The following N4BP2L1 variants were observed in gnomAD, a reference collection of about 807,000 sequenced individuals.
The protein encoded by N4BP2L1 is NEDD4 binding protein 2 like 1, also known as NEDD4-binding protein 2-like 1.
A neutral mutation model predicts 21.2 loss-of-function variants in N4BP2L1; 12 were observed. The observed-to-expected ratio is 0.57, with a 90% confidence interval of 0.36 to 0.92. N4BP2L1 has a LOEUF of 0.92. Ranked by LOEUF, N4BP2L1 falls within the 40% of genes least tolerant of loss-of-function variation. The pLI is 0.01. For synonymous variants in N4BP2L1, 104 were observed against 112.8 expected, an observed-to-expected ratio of 0.92 and a Z score of 0.49; for missense variants, 259 against 310.6, an observed-to-expected ratio of 0.83 and a Z score of 1.25.
rs2073154493 is a variant in N4BP2L1 at position 32,401,999 on chromosome 13, C to G, written c.*943G>C. 1 of 985,262 alleles carries G rather than the reference C, an allele frequency of 1.0e-6. No individual in the cohort carries two copies. Among genetic ancestry groups the G allele is most frequent in the Non-Finnish European group, 1.2e-6 (1 of 829,894 alleles). The allele number at this position is 985,262 out of a possible 1,614,324, so 61.0% of individuals were successfully genotyped here. A position where few individuals can be genotyped will look rare whatever the true frequency, so the allele number is the denominator to read the frequency against. On this transcript the variant is annotated 3_prime_UTR_variant, in exon 5 of 5. Coordinates refer to ENST00000380130, the MANE Select transcript of N4BP2L1 (RefSeq NM_052818.3). The stretch of plus-strand genomic sequence containing the variant: ...ATTGTCTTAATGCCACATAAAACAT[C>G]AACTGCTCATTTTGTAATGAGCATG...
chr13:32,414,082 A>T (rs997584057), intron 1 of N4BP2L1, among the ~76,000 whole-genome samples: 2 of 152,062 alleles, frequency 1.3e-5, no homozygotes, highest in Non-Finnish European at 2.9e-5. Context: ...AGGTTTCACC[A>T]TGTTGGCCAG....
At chr13:32,415,054 C>T (rs1256684106) in intron 1 of N4BP2L1, among the ~76,000 whole-genome samples, 2 of 152,204 alleles carry the variant, frequency 1.3e-5, no homozygotes, top group East Asian at 1.9e-4. Flanking sequence ...GGATTTCTAA[C>T]AGTGGTGGCT....
chr13:32,404,187 A>C, intron 4 of N4BP2L1, 134 bp downstream of exon 4: 1 of 1,611,292 alleles, frequency 6.2e-7, no homozygotes, highest in Non-Finnish European at 8.5e-7. Flanking sequence ...CAAAGTTATC[A>C]ATTTCCAAGA....
chr13:32,424,811 AT>A (rs1288187355), intron 1 of N4BP2L1: 2 of 152,364 alleles, frequency 1.3e-5, no homozygotes, highest in East Asian at 3.9e-4. Context: ...CTTTTAAAAA[AT>A]AAATTCAAAG....
intron 1 of N4BP2L1, among the ~76,000 whole-genome samples, chr13:32,417,545 T>C (rs913312566): frequency 2.0e-5 from 3 of 151,988 alleles, no homozygotes; most frequent in Non-Finnish European, 4.4e-5. Context: ...CAGTTTCGGG[T>C]ATGTCTTTAT....
At chr13:32,419,362 C>T in intron 1 of N4BP2L1, 1 of 417,950 alleles carries the variant, frequency 2.4e-6, no homozygotes, top group Non-Finnish European at 4.7e-6. Flanking sequence ...TCTCCTGCCT[C>T]AGCCTCTTGA....
At chr13:32,412,132 T>C (rs997643093) in intron 1 of N4BP2L1, among the ~76,000 whole-genome samples, 1 of 152,044 alleles carries the variant, frequency 6.6e-6, no homozygotes, top group African/African-American at 2.4e-5. Context: ...GTCTCATTTA[T>C]CCTATAGTTT....
At chr13:32,403,728 T>C (rs999423634) in intron 4 of N4BP2L1, 2 of 536,004 alleles carry the variant, frequency 3.7e-6, no homozygotes, top group Non-Finnish European at 7.6e-6. Context: ...TCTGATGGAG[T>C]AGTCCACAGA....
intron 1 of N4BP2L1, among the ~76,000 whole-genome samples, chr13:32,413,987 T>C (rs1337518196): frequency 4.0e-5 from 6 of 150,866 alleles, no homozygotes; most frequent in Non-Finnish European, 2.9e-5. Flanking sequence ...GTTCAAGCGA[T>C]TCTCCTGCCT....
intron 1 of N4BP2L1, among the ~76,000 whole-genome samples, chr13:32,410,861 C>T (rs1021827329): frequency 1.3e-5 from 2 of 151,916 alleles, no homozygotes; most frequent in South Asian, 2.1e-4. Flanking sequence ...TTTCAGGTCC[C>T]GATTTGATAT....
chr13:32,427,292 C>T (rs1399563811), intron 1 of N4BP2L1, among the ~76,000 whole-genome samples: 2 of 152,264 alleles, frequency 1.3e-5, no homozygotes, highest in East Asian at 1.9e-4. Context: ...GGCTCCCCGA[C>T]TTCGCCAGAT....
intron 3 of N4BP2L1, among the ~76,000 whole-genome samples, chr13:32,406,034 C>T (rs765267582): frequency 1.5e-4 from 23 of 151,172 alleles, no homozygotes; most frequent in Non-Finnish European, 2.7e-4. Context: ...TCCCCAGTAG[C>T]TGGGACTACA....
chr13:32,409,158 C>G (rs1175789393), intron 1 of N4BP2L1, among the ~76,000 whole-genome samples: 2 of 152,154 alleles, frequency 1.3e-5, no homozygotes, highest in Admixed American at 1.3e-4. Flanking sequence ...CCTTGAGATA[C>G]TGCGGTGAAT....
intron 1 of N4BP2L1, among the ~76,000 whole-genome samples, chr13:32,412,854 C>T (rs1282074455): frequency 6.6e-6 from 1 of 152,062 alleles, no homozygotes; most frequent in African/African-American, 2.4e-5. Flanking sequence ...CCTGAAAGAG[C>T]CTGAAAGAGT....
At chr13:32,415,448 T>A (rs1432913420) in intron 1 of N4BP2L1, among the ~76,000 whole-genome samples, 1 of 152,258 alleles carries the variant, frequency 6.6e-6, no homozygotes, top group African/African-American at 2.4e-5. Flanking sequence ...CTATGATATC[T>A]TTATTTGTTG....
Position 32,424,582 on chromosome 13 carries a change from G to A in N4BP2L1, c.179+3322C>T, listed in dbSNP as rs535010394. On this transcript the variant is annotated intron_variant, in intron 1 of 4. Coordinates refer to ENST00000380130, the MANE Select transcript of N4BP2L1 (RefSeq NM_052818.3). ...TAAGTACTCAGTGGACACCCACCTC[G>A]GCCTCCCAAAGTGCTGGGATTACAG... is the stretch of plus-strand genomic sequence containing the variant. 3.3e-5 allele frequency among the ~76,000 whole-genome samples: 5 copies of A among 152,246 alleles called. No homozygotes were observed. In the South Asian group the frequency reaches 6.2e-4, roughly 19 times the overall value.
intron 1 of N4BP2L1, chr13:32,425,252 G>C (rs571852351): frequency 6.6e-6 from 1 of 152,294 alleles, no homozygotes; most frequent in East Asian, 1.9e-4. Flanking sequence ...GGCCACACCT[G>C]AGCCTGCCTC....
chr13:32,418,090 C>T (rs569663631), intron 1 of N4BP2L1, among the ~76,000 whole-genome samples: 10 of 152,302 alleles, frequency 6.6e-5, no homozygotes, highest in African/African-American at 2.4e-4. Context: ...ATCACCAAGA[C>T]AATGGGGAAA....
At chr13:32,426,698 G>A (rs77050230) in intron 1 of N4BP2L1, among the ~76,000 whole-genome samples, 1 of 152,156 alleles carries the variant, frequency 6.6e-6, no homozygotes, top group African/African-American at 2.4e-5. Flanking sequence ...TATCTCTCCA[G>A]TGAGACGGGA....
Sources: gnomAD v4.1 joint callset for allele counts (sites outside exome capture counted in the v4.1 genomes callset) on GRCh38, gnomAD v4.1.1 for gene constraint, MANE v1.5 for transcripts, NCBI Gene and HGNC (gene_info 2026-07-23, HGNC 2026-07-21) for gene names.